The following ZDHHC1 variants were observed in gnomAD, a reference collection of about 807,000 sequenced individuals.
ZDHHC1 encodes zDHHC palmitoyltransferase 1, also known as palmitoyltransferase ZDHHC1.
ZDHHC1 carries 45 observed loss-of-function variants against 46.9 expected under a neutral mutation model. That is an observed-to-expected ratio of 0.96 (90% CI 0.76 to 1.23). The LOEUF is 1.23. ZDHHC1 is among the 50% of genes most tolerant of loss of function. The pLI is 0.00. For synonymous variants in ZDHHC1, 291 were observed against 286.0 expected, an observed-to-expected ratio of 1.02 and a Z score of -0.18; for missense variants, 649 against 670.8, an observed-to-expected ratio of 0.97 and a Z score of 0.36.
chr16:67,409,863 G>C (rs1211626152), intron 1 of ZDHHC1, among the ~76,000 whole-genome samples: 1 of 152,192 alleles, frequency 6.6e-6, no homozygotes, highest in Non-Finnish European at 1.5e-5. Context: ...GCCCTCAGGG[G>C]CTTCTCTTCT....
intron 4 of ZDHHC1, among the ~76,000 whole-genome samples, 185 bp downstream of exon 4, chr16:67,400,770 TTC>T (rs2040536273): frequency 6.6e-6 from 1 of 152,168 alleles, no homozygotes; most frequent in African/African-American, 2.4e-5. Context: ...ACTACTGATC[TTC>T]TGTTTCCAAT....
intron 2 of ZDHHC1, among the ~76,000 whole-genome samples, chr16:67,407,472 G>A (rs1475229562): frequency 6.6e-6 from 1 of 152,182 alleles, no homozygotes; most frequent in Non-Finnish European, 1.5e-5. Context: ...CGCAGACCCC[G>A]ACTCAGTGCA....
At position 67,406,725 on chromosome 16, in the gene ZDHHC1, T is replaced by G. The variant is rs374736817; in HGVS notation, c.10-283A>C. 1.3e-5 allele frequency among the ~76,000 whole-genome samples: 2 copies of G among 152,308 alleles called. No individual in the cohort carries two copies. The highest frequency in any genetic ancestry group is 3.9e-4 in the East Asian group (2 of 5,184). On this transcript the variant is annotated intron_variant, in intron 2 of 11. Coordinates refer to ENST00000565726, the MANE Select transcript of ZDHHC1 (RefSeq NM_001323627.2). This position sits in a 1 kb window ranked among gnomAD's most constrained non-coding sequence, Gnocchi z 4.1. ...CAGTGCTGCTGCCTGTAACTCAAAGTGCTGTCTTCACAGCCATCACAGTTA... is the reference window on the plus strand; with the variant it reads ...CAGTGCTGCTGCCTGTAACTCAAAGGGCTGTCTTCACAGCCATCACAGTTA...
intron 3 of ZDHHC1, among the ~76,000 whole-genome samples, chr16:67,402,115 G>A (rs981427725): frequency 2.0e-5 from 3 of 152,132 alleles, no homozygotes; most frequent in Non-Finnish European, 4.4e-5. Context: ...GCCCTAATGT[G>A]CCATAAGCAT....
At chr16:67,398,174 C>T in intron 8 of ZDHHC1, 38 bp downstream of exon 8, 1 of 1,597,626 alleles carries the variant, frequency 6.3e-7, no homozygotes, top group African/African-American at 1.3e-5. Flanking sequence ...CCAACACCCC[C>T]CACACCCAGG....
At chr16:67,397,729 C>T (rs1037562919) in intron 8 of ZDHHC1, among the ~76,000 whole-genome samples, 22 of 152,208 alleles carry the variant, frequency 1.4e-4, no homozygotes, top group African/African-American at 3.1e-4. Flanking sequence ...CCGGCCAGAG[C>T]GTAGAGACCT....
At chr16:67,408,542 C>T (rs1168687430) in intron 1 of ZDHHC1, among the ~76,000 whole-genome samples, 2 of 150,652 alleles carry the variant, frequency 1.3e-5, no homozygotes, top group African/African-American at 4.9e-5. Flanking sequence ...GCTGGAGTGC[C>T]GTGGCGCAAT....
chr16:67,399,537 G>T, intron 4 of ZDHHC1, 81 bp from the exon 5 acceptor site: 1 of 1,202,054 alleles, frequency 8.3e-7, no homozygotes, highest in Non-Finnish European at 1.2e-6. Context: ...GTTGAGTGGG[G>T]TCTGTGGAGG....
At chr16:67,404,569 T>C (rs2040617764) in intron 3 of ZDHHC1, 1 of 407,168 alleles carries the variant, frequency 2.5e-6, no homozygotes, top group African/African-American at 2.1e-5. Context: ...GCCTCTGCAA[T>C]GCTCAAAGCA....
intron 8 of ZDHHC1, among the ~76,000 whole-genome samples, chr16:67,396,813 C>G (rs963451788): frequency 6.6e-5 from 10 of 152,208 alleles, no homozygotes; most frequent in South Asian, 6.2e-4. Context: ...AGCAGAGGGG[C>G]AAAGCCCACT....
At chr16:67,413,210 G>T (rs1032037635) in intron 1 of ZDHHC1, among the ~76,000 whole-genome samples, 1 of 152,084 alleles carries the variant, frequency 6.6e-6, no homozygotes, top group Non-Finnish European at 1.5e-5. Context: ...CTCCCAAAGC[G>T]CTGGGATTAC....
chr16:67,398,027 C>A (rs900602429), intron 8 of ZDHHC1, among the ~76,000 whole-genome samples, 185 bp downstream of exon 8: 4 of 152,218 alleles, frequency 2.6e-5, no homozygotes. Context: ...CCGGGAAACA[C>A]AGGGCTCCCT....
chr16:67,399,368 C>T lies in ZDHHC1; in HGVS notation c.517G>A (p.Glu173Lys). The change falls in exon 5 of 12, where the codon GAG (glutamate) becomes AAG (lysine). Residue 173 changes from glutamate to lysine, a missense_variant. Physicochemically the swap from Glu to Lys is moderately conservative, Grantham distance 56. Coordinates refer to ENST00000565726, the MANE Select transcript of ZDHHC1 (RefSeq NM_001323627.2). ...HCKWLNNCVG[E>K]RNYRLFLHSV... is the part of the protein sequence containing the mutation. Reference sequence around the variant, plus strand: ...GGCTGTCCTCACCGGTAGTTCCGCTCGCCCACACAGTTGTTGAGCCACTTG... The same window carrying T: ...GGCTGTCCTCACCGGTAGTTCCGCTTGCCCACACAGTTGTTGAGCCACTTG... 1 of 1,612,986 alleles carries T rather than the reference C, an allele frequency of 6.2e-7. No individual in the cohort carries two copies. The highest frequency in any genetic ancestry group is 8.5e-7 in the Non-Finnish European group (1 of 1,179,622).
chr16:67,394,699 C>G lies in ZDHHC1; in HGVS notation c.1360G>C (p.Ala454Pro), dbSNP rs2040381896. 4 of 1,292,474 alleles carry G rather than the reference C, an allele frequency of 3.1e-6. No individual in the cohort carries two copies. Among genetic ancestry groups the G allele is most frequent in the Non-Finnish European group, 3.9e-6 (4 of 1,025,606 alleles). 80.1% of individuals were successfully genotyped at this position (1,292,474 alleles called of 1,614,324 possible). The change falls in exon 12 of 12, where the codon GCG (alanine) becomes CCG (proline). Residue 454 changes from alanine to proline, a missense_variant. Physicochemically the swap from Ala to Pro is conservative, Grantham distance 27. Coordinates refer to ENST00000565726, the MANE Select transcript of ZDHHC1 (RefSeq NM_001323627.2). ...ACGGCGGGCGCACGCGCCTGCCGCG[C>G]CAGCGTGGGCTGTCGGCCCCGGCCC... ...PRGRGRQPTL[A>P]RQARAPAVFV... is the part of the protein sequence containing the mutation.
chr16:67,403,091 AC>A (rs1427487953), intron 3 of ZDHHC1, among the ~76,000 whole-genome samples: 1 of 152,182 alleles, frequency 6.6e-6, no homozygotes, highest in East Asian at 1.9e-4. Context: ...GATTCCAGGG[AC>A]CTGGCAGGCA....
chr16:67,401,142 C>G lies in ZDHHC1; in HGVS notation c.253-10G>C, dbSNP rs2040546475. Reference sequence around the variant, plus strand: ...AGATGGCGCCCATGCACTGGCCCAGCAGGTTAAAGACTCACTCCACTCTGC... The same window carrying G: ...AGATGGCGCCCATGCACTGGCCCAGGAGGTTAAAGACTCACTCCACTCTGC... On this transcript the variant is annotated splice_polypyrimidine_tract_variant and intron_variant, in intron 3 of 11. Transcript: ENST00000565726. This position sits in a 1 kb window ranked among gnomAD's most constrained non-coding sequence, Gnocchi z 4.6. The G allele has an allele frequency of 6.2e-7, 1 of 1,612,732 alleles. No homozygotes were observed. The highest frequency in any genetic ancestry group is 1.7e-5 in the Admixed American group (1 of 59,972).
chr16:67,404,660 T>G (rs2040619849), intron 3 of ZDHHC1: 1 of 454,852 alleles, frequency 2.2e-6, no homozygotes, highest in Non-Finnish European at 4.4e-6. Flanking sequence ...CCATCTGGCC[T>G]CACTGGGTGC....
chr16:67,412,067 C>T (rs1396337879), intron 1 of ZDHHC1, among the ~76,000 whole-genome samples: 4 of 151,550 alleles, frequency 2.6e-5, no homozygotes, highest in Non-Finnish European at 1.5e-5. Flanking sequence ...GAGCCGAGAT[C>T]GTGCCACTGC....
At chr16:67,415,665 C>A (rs1448740730) in intron 1 of ZDHHC1, among the ~76,000 whole-genome samples, 1 of 151,904 alleles carries the variant, frequency 6.6e-6, no homozygotes, top group East Asian at 1.9e-4. Flanking sequence ...GCTGAGGCAG[C>A]AGAATGGCTT....
Sources: gnomAD v4.1 joint callset for allele counts (sites outside exome capture counted in the v4.1 genomes callset) on GRCh38, gnomAD v4.1.1 for gene constraint, Gnocchi (gnomAD v3.1) non-coding constraint, MANE v1.5 for transcripts, NCBI Gene and HGNC (gene_info 2026-07-23, HGNC 2026-07-21) for gene names.